The following REV3L variants were observed in gnomAD, a reference collection of about 807,000 sequenced individuals.
The protein encoded by REV3L is DNA polymerase zeta catalytic subunit.
Under a neutral mutation model 299.4 loss-of-function variants are expected in REV3L, and 69 were observed. That is an observed-to-expected ratio of 0.23 (90% CI 0.19 to 0.28). The LOEUF (loss-of-function observed/expected upper bound fraction) is 0.28. REV3L is among the 10% of genes least tolerant of loss of function. REV3L has a pLI of 1.00. For synonymous variants in REV3L, 1,238 were observed against 1,271.4 expected (o/e 0.97, Z 0.56); for missense variants, 3,128 against 3,693.8 (o/e 0.85, Z 3.97).
intron 20 of REV3L, among the ~76,000 whole-genome samples, chr6:111,344,695 A>G (rs1776856137): frequency 1.3e-5 from 2 of 152,362 alleles, no homozygotes; most frequent in Middle Eastern, 3.4e-3. Flanking sequence ...TGAAATATCT[A>G]CAAGACAAAA....
upstream of REV3L, chr6:111,483,375 C>G (rs1457565837): frequency 2.1e-6 from 1 of 474,118 alleles, no homozygotes; most frequent in African/African-American, 2.1e-5. Context: ...TTCTCCCCCT[C>G]CCCGGGCACG....
chr6:111,397,405 T>C (rs931517456), intron 4 of REV3L, among the ~76,000 whole-genome samples: 4 of 152,180 alleles, frequency 2.6e-5, no homozygotes, highest in Admixed American at 6.5e-5. Flanking sequence ...TTTCCATGTA[T>C]TGGTACAGTT....
At chr6:111,305,546 C>G in intron 31 of REV3L, among the ~76,000 whole-genome samples, 1 of 151,876 alleles carries the variant, frequency 6.6e-6, no homozygotes, top group East Asian at 1.9e-4. Flanking sequence ...GTAATCATGC[C>G]ACTGCATTTC....
chr6:111,388,957 T>C (rs1781620258), intron 7 of REV3L, 149 bp downstream of exon 7: 1 of 593,056 alleles, frequency 1.7e-6, no homozygotes, highest in Non-Finnish European at 3.0e-6. Flanking sequence ...AAATAGTGGC[T>C]GTACAGCAAT....
intron 1 of REV3L, among the ~76,000 whole-genome samples, chr6:111,436,359 AAATT>A (rs1314772462): frequency 6.6e-6 from 1 of 152,214 alleles, no homozygotes; most frequent in Non-Finnish European, 1.5e-5. Flanking sequence ...ACAATAACAA[AAATT>A]ATTAGAATCA....
In REV3L at chr6:111,299,409, A is replaced by T. The variant is rs11968478; in HGVS notation, c.*607T>A. 0.087 allele frequency: 11,675 copies of T among 134,206 alleles called. 967 individuals carry two copies. The highest frequency in any genetic ancestry group is 0.22 in the African/African-American group (8,517 of 38,378). The allele number at this position is 134,206 out of a possible 1,614,324, so 8.3% of individuals were successfully genotyped here. A position where few individuals can be genotyped will look rare whatever the true frequency, so the allele number is the denominator to read the frequency against. ...AAGCAAGACAGCATTTTTTAAAAAA[A>T]AATAATGTTTCAAAATGCTACACGT... is the stretch of plus-strand genomic sequence containing the variant. On this transcript the variant is annotated 3_prime_UTR_variant, in exon 32 of 32. Transcript: ENST00000368802.
At chr6:111,308,654 T>C (rs1056247225) in intron 30 of REV3L, among the ~76,000 whole-genome samples, 2 of 152,246 alleles carry the variant, frequency 1.3e-5, no homozygotes, top group Admixed American at 1.3e-4. Context: ...GGGCTGTGTC[T>C]AGTGTGTCTA....
intron 9 of REV3L, 85 bp from the exon 10 acceptor site, chr6:111,381,529 AT>A: frequency 8.7e-7 from 1 of 1,152,098 alleles, no homozygotes; most frequent in Non-Finnish European, 1.2e-6. Flanking sequence ...ATTTGGAAGC[AT>A]TACCATATAA....
rs1562286860 is a variant in REV3L, at chr6:111,422,603, TATATATATAC to T, written c.140-6141_140-6132del. On this transcript the variant is annotated intron_variant, in intron 1 of 31. Transcript: ENST00000368802. ...ACATATATATATATATACACATATA[TATATATATAC>T]ACATATATATATATATACACATATA... 2.1e-3 allele frequency among the ~76,000 whole-genome samples: 43 copies of T among 20,328 alleles called. 3 individuals are homozygous for T. Among genetic ancestry groups the T allele is most frequent in the Non-Finnish European group, 3.5e-3 (32 of 9,100 alleles). 13.3% of individuals were successfully genotyped at this position (20,328 alleles called of 152,430 possible). A position where few individuals can be genotyped will look rare whatever the true frequency, so the allele number is the denominator to read the frequency against.
chr6:111,328,485 T>C lies in REV3L; in HGVS notation c.8241+1047A>G, dbSNP rs555275176. On this transcript the variant is annotated intron_variant, in intron 25 of 31. Coordinates refer to ENST00000368802, the MANE Select transcript of REV3L (RefSeq NM_001372078.1). Reference sequence around the variant, plus strand: ...AATGAATTATGCAGTACCAAGGCTGTTGTAAAAACTGCTACAAAGGTGGCA... The same window carrying C: ...AATGAATTATGCAGTACCAAGGCTGCTGTAAAAACTGCTACAAAGGTGGCA... Among the ~76,000 whole-genome samples the C allele has an allele frequency of 4.6e-5, 7 of 152,296 alleles. No homozygotes were observed. In the South Asian group the frequency reaches 1.5e-3, roughly 32 times the overall value.
At chr6:111,329,089 G>A (rs1242932964) in intron 25 of REV3L, among the ~76,000 whole-genome samples, 2 of 151,516 alleles carry the variant, frequency 1.3e-5, no homozygotes, top group Admixed American at 1.3e-4. Flanking sequence ...TGTCGCCCAG[G>A]CTGGAGTGCA....
intron 4 of REV3L, among the ~76,000 whole-genome samples, chr6:111,401,569 A>G (rs1783083323): frequency 6.6e-6 from 1 of 152,244 alleles, no homozygotes; most frequent in African/African-American, 2.4e-5. Context: ...TTAGTTATGA[A>G]CAAATGAATT....
At chr6:111,464,195 G>GA (rs1434874705) in intron 1 of REV3L, among the ~76,000 whole-genome samples, 1 of 152,094 alleles carries the variant, frequency 6.6e-6, no homozygotes, top group East Asian at 1.9e-4. Context: ...GAGAAAAGTG[G>GA]AAAAAACCTT....
rs749743739 is a variant in REV3L, at chr6:111,299,997, A to C, written c.*19T>G. 6.2e-7 allele frequency: 1 copy of C among 1,607,032 alleles called. No homozygotes were observed. Among genetic ancestry groups the C allele is most frequent in the Non-Finnish European group, 8.5e-7 (1 of 1,177,104 alleles). On this transcript the variant is annotated 3_prime_UTR_variant, in exon 32 of 32. Transcript: ENST00000368802. Reference sequence around the variant, plus strand: ...AGCACTGAAAAAAATAGCACCTGTAATACTGTGATATTGACAATTTAAAAC... The same window carrying C: ...AGCACTGAAAAAAATAGCACCTGTACTACTGTGATATTGACAATTTAAAAC...
chr6:111,300,221 A>G, intron 31 of REV3L, 65 bp from the exon 32 acceptor site: 1 of 1,305,676 alleles, frequency 7.7e-7, no homozygotes, highest in East Asian at 2.5e-5. Context: ...CAAACAACAA[A>G]TTTTTATAAT....
intron 25 of REV3L, among the ~76,000 whole-genome samples, chr6:111,327,503 G>A (rs1027090714): frequency 3.9e-4 from 59 of 151,208 alleles, no homozygotes; most frequent in African/African-American, 1.3e-3. Flanking sequence ...GCAGTGAGCC[G>A]TGGTTAAGCC....
At chr6:111,430,906 A>T in intron 1 of REV3L, 1 of 1,604,508 alleles carries the variant, frequency 6.2e-7, no homozygotes, top group Non-Finnish European at 8.5e-7. Context: ...ATCTCATTGT[A>T]GGAGAGCCAG....
At chr6:111,423,670 A>G (rs1785836172) in intron 1 of REV3L, among the ~76,000 whole-genome samples, 1 of 152,214 alleles carries the variant, frequency 6.6e-6, no homozygotes, top group Admixed American at 6.5e-5. Flanking sequence ...ACAGAACTAC[A>G]GAAAGGAAAA....
intron 2 of REV3L, chr6:111,412,425 A>C (rs865840438): frequency 1.1e-5 from 2 of 190,024 alleles, no homozygotes; most frequent in Non-Finnish European, 1.9e-5. Flanking sequence ...TCTGATATAC[A>C]GAACACTATT....
Sources: allele counts gnomAD v4.1 joint callset (sites outside exome capture counted in the v4.1 genomes callset), GRCh38; gene constraint gnomAD v4.1.1; transcripts MANE v1.5; gene names NCBI Gene and HGNC (gene_info 2026-07-23, HGNC 2026-07-21).